The following MTSS1 variants were observed in gnomAD, a reference collection of about 807,000 sequenced individuals.
MTSS1 encodes the protein MTSS I-BAR domain containing 1.
MTSS1 carries 18 observed loss-of-function variants against 79.0 expected under a neutral mutation model. The observed-to-expected ratio is 0.23, with a 90% CI of 0.16 to 0.34. The LOEUF (loss-of-function observed/expected upper bound fraction) is 0.34. Among genes scored for constraint, MTSS1 ranks in the 10% least tolerant of loss-of-function variants. MTSS1 has a pLI of 1.00. For synonymous variants in MTSS1, 341 were observed against 368.6 expected (o/e 0.93, Z 0.86); for missense variants, 815 against 986.2 (o/e 0.83, Z 2.33).
chr8:124,633,205 C>G (rs1816344019), intron 3 of MTSS1, among the ~76,000 whole-genome samples: 1 of 151,982 alleles, frequency 6.6e-6, no homozygotes, highest in Non-Finnish European at 1.5e-5. Context: ...TTGCCACAAC[C>G]TGGAAATTTC....
At chr8:124,591,703 G>A (rs1484677713) in intron 3 of MTSS1, among the ~76,000 whole-genome samples, 4 of 152,162 alleles carry the variant, frequency 2.6e-5, no homozygotes, top group African/African-American at 7.2e-5. Context: ...AGGCAGCCAC[G>A]CTAGCTAATT....
At chr8:124,694,622 C>T (rs1828501663) in intron 3 of MTSS1, among the ~76,000 whole-genome samples, 1 of 152,108 alleles carries the variant, frequency 6.6e-6, no homozygotes, top group African/African-American at 2.4e-5. Context: ...TCACCACAGC[C>T]TATGTGGTAG....
At chr8:124,722,291 C>A (rs1833065606) in intron 1 of MTSS1, among the ~76,000 whole-genome samples, 1 of 152,178 alleles carries the variant, frequency 6.6e-6, no homozygotes, top group African/African-American at 2.4e-5. Context: ...CCCAGAGAAT[C>A]TTAAACAACC....
intron 6 of MTSS1, chr8:124,580,574 G>C (rs180684970): frequency 6.5e-7 from 1 of 1,535,720 alleles, no homozygotes; most frequent in East Asian, 2.4e-5. Flanking sequence ...TGGCGGGGGG[G>C]CACACGGTGA....
At chr8:124,573,486 C>T (rs904115518) in intron 6 of MTSS1, among the ~76,000 whole-genome samples, 17 of 152,358 alleles carry the variant, frequency 1.1e-4, no homozygotes, top group African/African-American at 4.1e-4. Context: ...GGCAGTCCCA[C>T]GGGGGCAGAA....
At position 124,579,208 on chromosome 8, in the gene MTSS1, C is replaced by T. The variant is rs116658651; in HGVS notation, c.460+5879G>A. ...CATGAACTGACTCATGTCAGGCTCT[C>T]GGCAAAGGTTCCAGTAAAACTCAAG... On this transcript the variant is annotated intron_variant, in intron 6 of 13. Coordinates refer to ENST00000518547, the MANE Select transcript of MTSS1 (RefSeq NM_014751.6). Among the ~76,000 whole-genome samples the T allele has an allele frequency of 4.3e-3, 656 of 152,296 alleles. 3 individuals are homozygous for T. The highest frequency in any genetic ancestry group is 0.015 in the African/African-American group (612 of 41,562).
At chr8:124,557,397 G>A (rs959507172) in intron 11 of MTSS1, among the ~76,000 whole-genome samples, 9 of 152,166 alleles carry the variant, frequency 5.9e-5, no homozygotes, top group African/African-American at 1.2e-4. Context: ...TGGAATTGCC[G>A]CTGCCTGCGG....
chr8:124,703,548 C>T (rs1402759524), intron 2 of MTSS1, among the ~76,000 whole-genome samples: 3 of 152,192 alleles, frequency 2.0e-5, no homozygotes, highest in African/African-American at 4.8e-5. Context: ...GCCTGGGCCT[C>T]CCAAAGTACT....
At chr8:124,615,251 A>G (rs971749657) in intron 3 of MTSS1, among the ~76,000 whole-genome samples, 11 of 152,022 alleles carry the variant, frequency 7.2e-5, no homozygotes, top group African/African-American at 2.7e-4. Flanking sequence ...GGGGGTAGGC[A>G]GAGCTCTCAC....
At chr8:124,577,721 G>A (rs998071221) in intron 6 of MTSS1, 8 of 470,904 alleles carry the variant, frequency 1.7e-5, no homozygotes, top group East Asian at 6.3e-5. Flanking sequence ...GCTTAGCCTC[G>A]AAGAACTGGC....
At chr8:124,573,804 G>T (rs1233517328) in intron 6 of MTSS1, among the ~76,000 whole-genome samples, 1 of 152,130 alleles carries the variant, frequency 6.6e-6, no homozygotes, top group Non-Finnish European at 1.5e-5. Context: ...CTTGAGTTTT[G>T]TTTTTTTCCT....
At chr8:124,558,950 A>G (rs1343407593) in intron 10 of MTSS1, 1 of 1,329,442 alleles carries the variant, frequency 7.5e-7, no homozygotes, top group Non-Finnish European at 9.9e-7. Context: ...ACACAGAGAG[A>G]AAGAGACAGA....
chr8:124,687,190 C>T (rs1052531068), intron 3 of MTSS1, among the ~76,000 whole-genome samples: 1 of 152,172 alleles, frequency 6.6e-6, no homozygotes, highest in Non-Finnish European at 1.5e-5. Flanking sequence ...GAGACAATTA[C>T]TATCCTTCAA....
chr8:124,561,408 G>T (rs1422775935), intron 10 of MTSS1, among the ~76,000 whole-genome samples: 98 of 152,302 alleles, frequency 6.4e-4, no homozygotes, highest in Non-Finnish European at 5.9e-5. Context: ...GACAAAGCGA[G>T]ACTGTCTTAA....
At chr8:124,634,245 G>C (rs1816575672) in intron 3 of MTSS1, among the ~76,000 whole-genome samples, 1 of 151,716 alleles carries the variant, frequency 6.6e-6, no homozygotes, top group Non-Finnish European at 1.5e-5. Flanking sequence ...AAGTAGCTGG[G>C]ACTACAGGCG....
At chr8:124,571,331 T>C (rs1421224165) in intron 6 of MTSS1, among the ~76,000 whole-genome samples, 1 of 152,176 alleles carries the variant, frequency 6.6e-6, no homozygotes, top group Non-Finnish European at 1.5e-5. Flanking sequence ...GCAAAATTAA[T>C]CCAGATATAC....
chr8:124,637,748 A>AG (rs941111104), intron 3 of MTSS1, among the ~76,000 whole-genome samples: 5 of 152,140 alleles, frequency 3.3e-5, no homozygotes, highest in East Asian at 1.9e-4. Context: ...TGTCTAAGTG[A>AG]GGGGGGGTAA....
At chr8:124,631,142 G>T (rs1047586184) in intron 3 of MTSS1, among the ~76,000 whole-genome samples, 3 of 152,218 alleles carry the variant, frequency 2.0e-5, no homozygotes, top group Non-Finnish European at 4.4e-5. Context: ...GCAGCACAGA[G>T]GTCAAAGGCA....
chr8:124,557,882 A>G lies in MTSS1; in HGVS notation c.1036-7T>C. On this transcript the variant is annotated splice_region_variant and splice_polypyrimidine_tract_variant and intron_variant, in intron 10 of 13. Transcript: ENST00000518547. ...GAGAAAACCCGTTAGACAACTGGAAACAAACAAAAAAAGGGGGGGGGAAGG... is the reference window on the plus strand; with the variant it reads ...GAGAAAACCCGTTAGACAACTGGAAGCAAACAAAAAAAGGGGGGGGGAAGG... 6.4e-7 allele frequency: 1 copy of G among 1,566,670 alleles called. No homozygotes were observed. The highest frequency in any genetic ancestry group is 8.7e-7 in the Non-Finnish European group (1 of 1,153,076).
Sources: allele counts gnomAD v4.1 joint callset (sites outside exome capture counted in the v4.1 genomes callset), GRCh38; gene constraint gnomAD v4.1.1; transcripts MANE v1.5; gene names NCBI Gene and HGNC (gene_info 2026-07-23, HGNC 2026-07-21).